The following RPTOR variants were observed in gnomAD, a reference collection of about 807,000 sequenced individuals.
RPTOR encodes regulatory associated protein of MTOR complex 1.
A neutral mutation model predicts 169.9 loss-of-function variants in RPTOR; 21 were observed. That is an observed-to-expected ratio of 0.12 (90% CI 0.09 to 0.18). The LOEUF (loss-of-function observed/expected upper bound fraction) is 0.18, where lower values mean the gene tolerates loss of function less well. Among genes scored for constraint, RPTOR ranks in the 10% least tolerant of loss-of-function variants. The pLI, the probability that RPTOR is intolerant of heterozygous loss-of-function variation, is 1.00. For missense variants in RPTOR, 1,133 were observed against 1,855.9 expected (o/e 0.61, Z 7.16); for synonymous variants, 732 against 753.2 (o/e 0.97, Z 0.46).
chr17:80,780,051 C>T (rs1763019177), intron 6 of RPTOR, among the ~76,000 whole-genome samples: 1 of 152,278 alleles, frequency 6.6e-6, no homozygotes, highest in African/African-American at 2.4e-5. Context: ...TTTTCCACGC[C>T]TCTGGCTGGA....
chr17:80,618,132 C>A (rs1193148075), intron 1 of RPTOR, among the ~76,000 whole-genome samples: 2 of 152,022 alleles, frequency 1.3e-5, no homozygotes, highest in Non-Finnish European at 2.9e-5. Context: ...AAGTGCGTGC[C>A]ACCACAGCCG....
chr17:80,916,064 C>T (rs138043770), intron 21 of RPTOR, among the ~76,000 whole-genome samples: 116 of 152,320 alleles, frequency 7.6e-4, no homozygotes, highest in African/African-American at 2.8e-3. Flanking sequence ...GTACCTCATT[C>T]TTCCTGGATG....
At chr17:80,832,374 G>A (rs2067515031) in intron 9 of RPTOR, among the ~76,000 whole-genome samples, 1 of 152,194 alleles carries the variant, frequency 6.6e-6, no homozygotes, top group Non-Finnish European at 1.5e-5. Context: ...AGGAGTGGAC[G>A]AGGCAGCTCA....
chr17:80,559,150 T>C (rs2084447439), intron 1 of RPTOR, among the ~76,000 whole-genome samples: 1 of 152,204 alleles, frequency 6.6e-6, no homozygotes, highest in South Asian at 2.1e-4. Flanking sequence ...TCTGAATGTT[T>C]TGGCCTTGCA....
chr17:80,665,711 AT>A (rs1453759367), intron 3 of RPTOR, among the ~76,000 whole-genome samples: 3 of 150,990 alleles, frequency 2.0e-5, no homozygotes, highest in African/African-American at 4.9e-5. Context: ...TGCCCGGCTA[AT>A]TTTTTTGTAT....
At position 80,746,265 on chromosome 17, in the gene RPTOR, T is replaced by G. The variant is rs1598276712; in HGVS notation, c.655-7745T>G. On this transcript the variant is annotated intron_variant, in intron 5 of 33. Coordinates refer to ENST00000306801, the MANE Select transcript of RPTOR (RefSeq NM_020761.3). This position sits in a 1 kb window ranked among gnomAD's most constrained non-coding sequence, Gnocchi z 4.5. Reference sequence around the variant, plus strand: ...CCCCCACAGCGGTGCTTTCTGCGGGTGATCCCCACCGCCCCCACAGCGGTG... The same window carrying G: ...CCCCCACAGCGGTGCTTTCTGCGGGGGATCCCCACCGCCCCCACAGCGGTG... 1.7e-5 allele frequency among the ~76,000 whole-genome samples: 2 copies of G among 120,026 alleles called. No individual in the cohort carries two copies. Among genetic ancestry groups the G allele is most frequent in the African/African-American group, 3.0e-5 (1 of 32,880 alleles). The allele number at this position is 120,026 out of a possible 152,430, so 78.7% of individuals were successfully genotyped here. A position where few individuals can be genotyped will look rare whatever the true frequency, so the allele number is the denominator to read the frequency against.
intron 6 of RPTOR, among the ~76,000 whole-genome samples, chr17:80,778,093 A>T (rs914062280): frequency 2.6e-5 from 4 of 152,238 alleles, no homozygotes; most frequent in African/African-American, 9.6e-5. Context: ...TGATCATATA[A>T]CAACTCTGAA....
At chr17:80,952,726 G>T (rs1046767498) in intron 28 of RPTOR, among the ~76,000 whole-genome samples, 3 of 152,110 alleles carry the variant, frequency 2.0e-5, no homozygotes, top group African/African-American at 7.2e-5. Flanking sequence ...CCGACCCAAG[G>T]TGTCGCTTCC....
At chr17:80,864,563 T>C (rs2067965443) in intron 13 of RPTOR, among the ~76,000 whole-genome samples, 3 of 152,276 alleles carry the variant, frequency 2.0e-5, no homozygotes, top group East Asian at 3.9e-4. Context: ...TATTTCCAAA[T>C]GGAGGCAAAA....
intron 3 of RPTOR, among the ~76,000 whole-genome samples, chr17:80,668,081 G>C (rs2065794146): frequency 6.6e-6 from 1 of 151,806 alleles, no homozygotes; most frequent in Admixed American, 6.6e-5. Context: ...AACCTGCCCT[G>C]TTCTTCAGTG....
chr17:80,812,787 G>A (rs777951271), intron 7 of RPTOR, among the ~76,000 whole-genome samples: 11 of 152,222 alleles, frequency 7.2e-5, no homozygotes, highest in Non-Finnish European at 1.5e-4. Flanking sequence ...CTCATCTGCC[G>A]TTACCCGCAA....
At chr17:80,756,039 G>A (rs1348831917) in intron 6 of RPTOR, among the ~76,000 whole-genome samples, 1 of 152,264 alleles carries the variant, frequency 6.6e-6, no homozygotes, top group Non-Finnish European at 1.5e-5. Flanking sequence ...GTAACAAGAT[G>A]TGAGAACAAT....
intron 10 of RPTOR, 57 bp from the exon 11 acceptor site, chr17:80,846,416 A>G: frequency 6.4e-7 from 1 of 1,551,214 alleles, no homozygotes; most frequent in East Asian, 2.2e-5. Flanking sequence ...GGGGTGGGCA[A>G]GACCAGGCCA....
chr17:80,864,145 G>GC (rs1270830996), intron 13 of RPTOR, among the ~76,000 whole-genome samples: 3 of 152,142 alleles, frequency 2.0e-5, no homozygotes, highest in African/African-American at 4.8e-5. Flanking sequence ...GATCCACAAA[G>GC]CTTAGCAAAC....
intron 24 of RPTOR, among the ~76,000 whole-genome samples, chr17:80,926,197 T>C (rs2068809820): frequency 6.6e-6 from 1 of 152,236 alleles, no homozygotes; most frequent in Admixed American, 6.5e-5. Flanking sequence ...TGAATGGTAT[T>C]TGGACCCCAT....
intron 1 of RPTOR, among the ~76,000 whole-genome samples, chr17:80,564,892 C>T (rs11653509): frequency 0.61 from 93,278 of 152,054 alleles, 29,457 homozygotes; most frequent in Middle Eastern, 0.72. Context: ...ATAATGGCCT[C>T]CATGTTCCCA....
chr17:80,611,444 T>C (rs1464833285), intron 1 of RPTOR, among the ~76,000 whole-genome samples: 2 of 152,064 alleles, frequency 1.3e-5, no homozygotes, highest in African/African-American at 2.4e-5. Flanking sequence ...TATTTGTACT[T>C]CTAGTAGAGA....
chr17:80,681,616 G>A (rs904456770), intron 3 of RPTOR, among the ~76,000 whole-genome samples: 16 of 145,494 alleles, frequency 1.1e-4, no homozygotes, highest in African/African-American at 3.6e-4. Context: ...TGAGGTGTAC[G>A]TCTCTTACAC....
chr17:80,598,709 CTG>C (rs2065162226), intron 1 of RPTOR, among the ~76,000 whole-genome samples: 1 of 152,156 alleles, frequency 6.6e-6, no homozygotes, highest in Admixed American at 6.5e-5. Flanking sequence ...CATGTGGAAT[CTG>C]TGTTTTCCCT....
Sources: allele counts gnomAD v4.1 joint callset (sites outside exome capture counted in the v4.1 genomes callset), GRCh38; gene constraint gnomAD v4.1.1; non-coding constraint Gnocchi (gnomAD v3.1); transcripts MANE v1.5; gene names NCBI Gene and HGNC (gene_info 2026-07-23, HGNC 2026-07-21).